Variants in FGD4 observed in about 807,000 individuals in gnomAD.
FGD4 encodes FYVE, RhoGEF and PH domain containing 4.
In FGD4, 42 loss-of-function variants were observed where a neutral mutation model predicts 102.0. The observed-to-expected ratio is 0.41, with a 90% confidence interval of 0.32 to 0.53. The LOEUF is 0.53. Among genes scored for constraint, FGD4 ranks in the 20% least tolerant of loss-of-function variants. The probability of loss-of-function intolerance (pLI) is 0.21; values close to 1 mark genes in which losing one functional copy is unlikely to be tolerated. For missense variants in FGD4, 902 were observed against 1,078.2 expected, an observed-to-expected ratio of 0.84 and a Z score of 2.29; for synonymous variants, 380 against 375.7, an observed-to-expected ratio of 1.01 and a Z score of -0.13.
At chr12:32,453,944 C>T (rs1942880666) in intron 1 of FGD4, among the ~76,000 whole-genome samples, 1 of 151,994 alleles carries the variant, frequency 6.6e-6, no homozygotes, top group South Asian at 2.1e-4. Flanking sequence ...TCCTTCTCAT[C>T]AAGAATAATT....
chr12:32,469,511 C>T (rs952383545), intron 1 of FGD4, among the ~76,000 whole-genome samples: 8 of 152,004 alleles, frequency 5.3e-5, no homozygotes, highest in African/African-American at 1.9e-4. Context: ...AAACTCCTGA[C>T]CTCAGGCAGT....
At chr12:32,631,907 AAT>A (rs1950522199) in intron 14 of FGD4, among the ~76,000 whole-genome samples, 1 of 152,206 alleles carries the variant, frequency 6.6e-6, no homozygotes, top group Non-Finnish European at 1.5e-5. Context: ...GCAAAGAAAA[AAT>A]GTGTTTGCAT....
chr12:32,631,074 T>C (rs1641116397), intron 14 of FGD4, among the ~76,000 whole-genome samples: 3 of 152,250 alleles, frequency 2.0e-5, no homozygotes, highest in Admixed American at 1.3e-4. Context: ...AATTCCCCTG[T>C]TGTTTATGCA....
At chr12:32,563,422 T>C (rs904853845) in intron 1 of FGD4, among the ~76,000 whole-genome samples, 2 of 150,100 alleles carry the variant, frequency 1.3e-5, no homozygotes, top group Non-Finnish European at 3.0e-5. Flanking sequence ...GCAGAGACGC[T>C]CCTCAGTTCC....
intron 1 of FGD4, among the ~76,000 whole-genome samples, chr12:32,465,987 A>G (rs990130392): frequency 6.6e-6 from 1 of 152,126 alleles, no homozygotes; most frequent in Non-Finnish European, 1.5e-5. Flanking sequence ...TATGTTGCTC[A>G]GGCTGGTGTT....
chr12:32,514,951 AAGCTATCTGCCTGCCTC>A (rs1295968745), intron 1 of FGD4, among the ~76,000 whole-genome samples: 1 of 152,186 alleles, frequency 6.6e-6, no homozygotes, highest in Non-Finnish European at 1.5e-5. Flanking sequence ...TCCTGGACTC[AAGCTATCTGCCTGCCTC>A]AGCCTCCCAA....
intron 1 of FGD4, among the ~76,000 whole-genome samples, chr12:32,477,191 G>C (rs942954773): frequency 2.6e-5 from 4 of 152,104 alleles, no homozygotes; most frequent in Non-Finnish European, 5.9e-5. Context: ...AGGAGGCTGA[G>C]ACAGGAGAAT....
chr12:32,616,947 CTGCAT>C (rs1949488679), intron 10 of FGD4, among the ~76,000 whole-genome samples: 2 of 152,114 alleles, frequency 1.3e-5, no homozygotes, highest in Admixed American at 1.3e-4. Flanking sequence ...GGCCTTCTTA[CTGCAT>C]CATAACATGC....
intron 1 of FGD4, among the ~76,000 whole-genome samples, chr12:32,509,305 C>T (rs368026844): frequency 1.4e-5 from 2 of 140,482 alleles, no homozygotes; most frequent in Middle Eastern, 4.3e-3. Flanking sequence ...ATATAGGAAA[C>T]GTAACTACCA....
intron 1 of FGD4, among the ~76,000 whole-genome samples, chr12:32,436,158 AATT>A (rs1205009867): frequency 6.6e-6 from 1 of 152,344 alleles, no homozygotes; most frequent in East Asian, 1.9e-4. Flanking sequence ...AGAATAAATA[AATT>A]ATGTGGTTGG....
intron 2 of FGD4, among the ~76,000 whole-genome samples, chr12:32,574,181 C>G (rs1381496863): frequency 1.3e-5 from 2 of 152,148 alleles, no homozygotes; most frequent in Admixed American, 6.5e-5. Flanking sequence ...TAGTTTTTCT[C>G]TCATCTGGCA....
In FGD4 at chr12:32,565,298, G is replaced by A. The variant is rs993800426; in HGVS notation, c.319+1009G>A. Among the ~76,000 whole-genome samples the A allele has an allele frequency of 2.9e-4, 44 of 152,152 alleles. 1 individual carries two copies. The highest frequency in any genetic ancestry group is 1.0e-3 in the African/African-American group (43 of 41,426). Reference sequence around the variant, plus strand: ...TCTTGTTCTCACTACAATTATATTTGTGGTGGTATGGAATATCACTATCAA... The same window carrying A: ...TCTTGTTCTCACTACAATTATATTTATGGTGGTATGGAATATCACTATCAA... On this transcript the variant is annotated intron_variant, in intron 2 of 16. Transcript: ENST00000534526.
chr12:32,624,514 C>A, intron 12 of FGD4, 62 bp downstream of exon 12: 1 of 1,386,510 alleles, frequency 7.2e-7, no homozygotes, highest in Non-Finnish European at 1.0e-6. Flanking sequence ...CTCACTCTCA[C>A]CCAGTCTGGA....
chr12:32,538,856 C>T (rs1449863095), intron 1 of FGD4, among the ~76,000 whole-genome samples: 1 of 152,084 alleles, frequency 6.6e-6, no homozygotes, highest in African/African-American at 2.4e-5. Flanking sequence ...GATCCGAGAC[C>T]ATCCTGGCTA....
chr12:32,545,811 G>T lies in FGD4; in HGVS notation c.167-18326G>T, dbSNP rs61928312. Among the ~76,000 whole-genome samples the T allele has an allele frequency of 7.1e-3, 1,088 of 152,290 alleles. 15 individuals carry two copies. The highest frequency in any genetic ancestry group is 0.051 in the South Asian group (246 of 4,824). Reference sequence around the variant, plus strand: ...ATGCAGCTCTTAACGTTTTTCTGTTGCTTCTAACCCTTCCAGTAGGGGAAA... The same window carrying T: ...ATGCAGCTCTTAACGTTTTTCTGTTTCTTCTAACCCTTCCAGTAGGGGAAA... On this transcript the variant is annotated intron_variant, in intron 1 of 16. Transcript: ENST00000534526.
intron 1 of FGD4, among the ~76,000 whole-genome samples, chr12:32,427,821 C>T (rs1225261648): frequency 6.6e-6 from 1 of 152,108 alleles, no homozygotes; most frequent in Admixed American, 6.6e-5. Flanking sequence ...ATGTAATGGC[C>T]TTCTTTGTCT....
intron 14 of FGD4, among the ~76,000 whole-genome samples, chr12:32,632,316 AAAT>A (rs1473463861): frequency 6.6e-6 from 1 of 152,242 alleles, no homozygotes; most frequent in Non-Finnish European, 1.5e-5. Context: ...ATAAACAATC[AAAT>A]AATAATACAG....
rs973614178 is a variant in FGD4 at position 32,399,790 on chromosome 12, C to G, written c.-4C>G. On this transcript the variant is annotated 5_prime_UTR_variant, in exon 1 of 17. Coordinates refer to ENST00000534526, the MANE Select transcript of FGD4 (RefSeq NM_001370298.3). ...GTCGGGGAGCGGCGGTCGAGCCCGG[C>G]AGGATGAGCGACGAGGGCGGCTCCA... 6.5e-7 allele frequency: 1 copy of G among 1,529,808 alleles called. No homozygotes were observed. Among genetic ancestry groups the G allele is most frequent in the African/African-American group, 1.4e-5 (1 of 71,936 alleles). 94.8% of individuals were successfully genotyped at this position (1,529,808 alleles called of 1,614,324 possible).
chr12:32,560,650 C>T (rs965487729), intron 1 of FGD4, among the ~76,000 whole-genome samples: 2 of 152,080 alleles, frequency 1.3e-5, no homozygotes, highest in African/African-American at 4.8e-5. Flanking sequence ...CGCTGATAAA[C>T]CATTTTAGCA....
Sources: allele counts gnomAD v4.1 joint callset (sites outside exome capture counted in the v4.1 genomes callset), GRCh38; gene constraint gnomAD v4.1.1; transcripts MANE v1.5; gene names NCBI Gene and HGNC (gene_info 2026-07-23, HGNC 2026-07-21).